Variants in CSNK1G2 observed in about 807,000 individuals in gnomAD.
The protein encoded by CSNK1G2 is casein kinase I isoform gamma-2.
CSNK1G2 carries 11 observed loss-of-function variants against 48.0 expected under a neutral mutation model. The ratio of observed to expected loss-of-function variants is 0.23; its 90% confidence interval spans 0.14 to 0.38. The LOEUF is 0.38. Ranked by LOEUF, CSNK1G2 falls within the 10% of genes least tolerant of loss-of-function variation. The pLI is 1.00. For missense variants in CSNK1G2, 446 were observed against 595.5 expected (o/e 0.75, Z 2.61); for synonymous variants, 337 against 254.1 (o/e 1.33, Z -3.10).
chr19:1,942,505 G>A (rs1470088058), intron 1 of CSNK1G2: 1 of 152,356 alleles, frequency 6.6e-6, no homozygotes, highest in Non-Finnish European at 1.5e-5. Context: ...CGGTCCACAA[G>A]GCCATGTGGG....
Position 1,979,653 on chromosome 19 carries a change from G to A in CSNK1G2, c.1002+10G>A, listed in dbSNP as rs974100478. Reference sequence around the variant, plus strand: ...GGCCGGGAAGCCCCTGGTAGGTGGGGGGGTGCCGGTATGTGGGAGCGGGGG... The same window carrying A: ...GGCCGGGAAGCCCCTGGTAGGTGGGAGGGTGCCGGTATGTGGGAGCGGGGG... On this transcript the variant is annotated intron_variant, in intron 9 of 11. Coordinates refer to ENST00000255641, the MANE Select transcript of CSNK1G2 (RefSeq NM_001319.7). 4 of 1,602,364 alleles carry A rather than the reference G, an allele frequency of 2.5e-6. No homozygotes were observed. Among genetic ancestry groups the A allele is most frequent in the Admixed American group, 1.7e-5 (1 of 59,998 alleles).
At chr19:1,967,791 TCCTTCCTCCCTCCTCCCCAGGC>T (rs2015417097) in intron 1 of CSNK1G2, among the ~76,000 whole-genome samples, 1 of 51,652 alleles carries the variant, frequency 1.9e-5, no homozygotes, top group African/African-American at 1.5e-4. Flanking sequence ...GTGGGGCTCC[TCCTTCCTCCCTCCTCCCCAGGC>T]TGCCCCCGAC....
At chr19:1,961,012 G>T (rs1167250551) in intron 1 of CSNK1G2, among the ~76,000 whole-genome samples, 1 of 152,238 alleles carries the variant, frequency 6.6e-6, no homozygotes, top group Non-Finnish European at 1.5e-5. Flanking sequence ...CCGGTGTGCG[G>T]CGGGGCGTGG....
Position 1,979,467 on chromosome 19 carries a change from C to T in CSNK1G2, c.854-28C>T, listed in dbSNP as rs574206645. ...CCCCACCCCCCACCCCCACCCCCGC[C>T]GAGGCCCCGCTGGCGCTCTCTCTGC... is the stretch of plus-strand genomic sequence containing the variant. On this transcript the variant is annotated intron_variant, in intron 8 of 11. Transcript: ENST00000255641. The T allele has an allele frequency of 9.1e-6, 14 of 1,531,716 alleles. No homozygotes were observed. In the African/African-American group the frequency reaches 1.6e-4, roughly 17 times the overall value. 94.9% of individuals were successfully genotyped at this position (1,531,716 alleles called of 1,614,324 possible).
At chr19:1,971,118 G>A (rs1372624999) in intron 2 of CSNK1G2, among the ~76,000 whole-genome samples, 4 of 152,178 alleles carry the variant, frequency 2.6e-5, no homozygotes, top group Non-Finnish European at 5.9e-5. Context: ...GTTGCCACTC[G>A]TGGGCAGAAG....
Position 1,979,387 on chromosome 19 carries a change from C to T in CSNK1G2, c.837C>T (p.Leu279=), listed in dbSNP as rs11550450. 0.11 allele frequency: 167,971 copies of T among 1,592,952 alleles called. 12,229 individuals carry two copies. Among genetic ancestry groups the T allele is most frequent in the African/African-American group, 0.38 (28,402 of 74,304 alleles). ...AACGCGCCACGCCCATCGAGGTGCT[C>T]TGCGAGAACTTCCCAGGTAAGGGGT... ...DTKRATPIEV[L]CENFPEEMAT... is the part of the protein sequence containing the mutation. The change falls in exon 8 of 12, where the codon CTC becomes CTT. Residue 279 remains leucine, a synonymous_variant. Coordinates refer to ENST00000255641, the MANE Select transcript of CSNK1G2 (RefSeq NM_001319.7).
intron 2 of CSNK1G2, among the ~76,000 whole-genome samples, chr19:1,973,956 T>C (rs970884663): frequency 6.6e-6 from 1 of 152,024 alleles, no homozygotes; most frequent in Non-Finnish European, 1.5e-5. Flanking sequence ...GGTACTATCT[T>C]GGCTCACCAC....
At chr19:1,963,856 G>A (rs1339456067) in intron 1 of CSNK1G2, among the ~76,000 whole-genome samples, 5 of 131,226 alleles carry the variant, frequency 3.8e-5, no homozygotes, top group African/African-American at 1.5e-4. Context: ...TCGCTCTGTC[G>A]CCCAGGCTGG....
At position 1,980,130 on chromosome 19, in the gene CSNK1G2, G is replaced by C. The variant is rs375097243; in HGVS notation, c.1194-19G>C. The C allele has an allele frequency of 5.6e-6, 9 of 1,612,746 alleles. No homozygotes were observed. Among genetic ancestry groups the C allele is most frequent in the Non-Finnish European group, 6.8e-6 (8 of 1,179,796 alleles). On this transcript the variant is annotated intron_variant, in intron 11 of 11. Transcript: ENST00000255641. Reference sequence around the variant, plus strand: ...GCCCTGCACCCCGGTCCTCCTACCTGAGCCACTGCCCTCCTCAGATGCTGC... The same window carrying C: ...GCCCTGCACCCCGGTCCTCCTACCTCAGCCACTGCCCTCCTCAGATGCTGC...
Position 1,979,858 on chromosome 19 carries a change from C to T in CSNK1G2, c.1086+23C>T, listed in dbSNP as rs759151888. 14 of 1,595,092 alleles carry T rather than the reference C, an allele frequency of 8.8e-6. No homozygotes were observed. In the East Asian group the frequency reaches 9.1e-5, roughly 10 times the overall value. ...CAGGTGAGGCCCGGGCGGGACCGAC[C>T]GCCCCAGGGAGGGGCATGGGCGGCC... On this transcript the variant is annotated intron_variant, in intron 10 of 11. Transcript: ENST00000255641.
At chr19:1,949,939 G>C (rs2014702625) in intron 1 of CSNK1G2, among the ~76,000 whole-genome samples, 1 of 152,208 alleles carries the variant, frequency 6.6e-6, no homozygotes, top group Non-Finnish European at 1.5e-5. Context: ...CCTGCACCCT[G>C]TGACGAGCAC....
rs192216597 is a variant in CSNK1G2 at position 1,946,920 on chromosome 19, A to G, written c.-266+5502A>G. Among the ~76,000 whole-genome samples the G allele has an allele frequency of 3.3e-5, 5 of 151,104 alleles. No individual in the cohort carries two copies. In the East Asian group the frequency reaches 7.8e-4, roughly 24 times the overall value. On this transcript the variant is annotated intron_variant, in intron 1 of 11. Transcript: ENST00000255641. ...GCCACTGTGCCCGGCCTATTCATTT[A>G]TTTATTTAGAGACAGAGTCTCGCTC...
At chr19:1,971,196 G>A (rs2015557217) in intron 2 of CSNK1G2, among the ~76,000 whole-genome samples, 1 of 152,232 alleles carries the variant, frequency 6.6e-6, no homozygotes, top group African/African-American at 2.4e-5. Flanking sequence ...CCAGGCGAGG[G>A]CAGCTGTTGG....
At chr19:1,950,228 C>G (rs939829718) in intron 1 of CSNK1G2, among the ~76,000 whole-genome samples, 14 of 152,148 alleles carry the variant, frequency 9.2e-5, no homozygotes, top group African/African-American at 3.4e-4. Flanking sequence ...CAAGCTCTGC[C>G]TCCCGGGTTC....
At chr19:1,970,336 C>T (rs989131230) in intron 2 of CSNK1G2, among the ~76,000 whole-genome samples, 11 of 152,238 alleles carry the variant, frequency 7.2e-5, no homozygotes, top group South Asian at 4.1e-4. Flanking sequence ...GCACTCAGCT[C>T]GTGGGAGGTC....
intron 1 of CSNK1G2, among the ~76,000 whole-genome samples, chr19:1,961,775 C>T (rs2015207444): frequency 6.6e-6 from 1 of 152,252 alleles, no homozygotes; most frequent in African/African-American, 2.4e-5. Flanking sequence ...TTTAGAGAAA[C>T]TAGGTTAGCC....
intron 2 of CSNK1G2, among the ~76,000 whole-genome samples, chr19:1,973,834 T>G (rs557529848): frequency 6.6e-6 from 1 of 152,188 alleles, no homozygotes; most frequent in Non-Finnish European, 1.5e-5. Flanking sequence ...TGTTTCTTAG[T>G]CCATTTTGTG....
chr19:1,945,032 T>C (rs989600818), intron 1 of CSNK1G2, among the ~76,000 whole-genome samples: 1 of 152,252 alleles, frequency 6.6e-6, no homozygotes, highest in African/African-American at 2.4e-5. Context: ...GTGAGCTAGC[T>C]GTGCCCAGGA....
Position 1,969,965 on chromosome 19 carries a change from G to A in CSNK1G2, c.187+6G>A. The A allele has an allele frequency of 7.7e-7, 1 of 1,304,252 alleles. No individual in the cohort carries two copies. The highest frequency in any genetic ancestry group is 2.8e-5 in the East Asian group (1 of 35,674). The allele number at this position is 1,304,252 out of a possible 1,614,324, so 80.8% of individuals were successfully genotyped here. ...CTTCGGGGAGCTCCGCCTAGGTGAG[G>A]CCCTGCTCGGTGGTAGGTGGGGTCG... is the stretch of plus-strand genomic sequence containing the variant. On this transcript the variant is annotated splice_donor_region_variant and intron_variant, in intron 2 of 11. Coordinates refer to ENST00000255641, the MANE Select transcript of CSNK1G2 (RefSeq NM_001319.7).
Sources: allele counts gnomAD v4.1 joint callset (sites outside exome capture counted in the v4.1 genomes callset), GRCh38; gene constraint gnomAD v4.1.1; transcripts MANE v1.5; gene names NCBI Gene and HGNC (gene_info 2026-07-23, HGNC 2026-07-21).